BCAS3: variants seen among roughly 807,000 people sequenced by gnomAD.
The protein encoded by BCAS3 is BCAS3 microtubule associated cell migration factor.
A neutral mutation model predicts 116.1 loss-of-function variants in BCAS3; 53 were observed. The ratio of observed to expected loss-of-function variants is 0.46; its 90% confidence interval spans 0.37 to 0.57. BCAS3 has a LOEUF of 0.57. BCAS3 is among the 20% of genes least tolerant of loss of function. The probability of loss-of-function intolerance (pLI) is 0.00; values close to 1 mark genes in which losing one functional copy is unlikely to be tolerated. For missense variants in BCAS3, 917 were observed against 1,165.4 expected (o/e 0.79, Z 3.10); for synonymous variants, 391 against 408.2 (o/e 0.96, Z 0.51).
rs1208240142 is a variant in BCAS3 at position 61,095,330 on chromosome 17, T to C, written c.2425+10766T>C. Reference sequence around the variant, plus strand: ...TCTTTCTGTTTAGAAAATATTTTTATATAGAATGTAATTGATATTTCTACA... The same window carrying C: ...TCTTTCTGTTTAGAAAATATTTTTACATAGAATGTAATTGATATTTCTACA... On this transcript the variant is annotated intron_variant, in intron 22 of 23. Coordinates refer to ENST00000407086, the MANE Select transcript of BCAS3 (RefSeq NM_017679.5). The surrounding 1 kb of genome is among the most constrained non-coding windows in gnomAD (Gnocchi z 4.7). Among the ~76,000 whole-genome samples, 3 of 152,252 alleles carry C rather than the reference T, an allele frequency of 2.0e-5. No individual in the cohort carries two copies. Among genetic ancestry groups the C allele is most frequent in the Non-Finnish European group, 4.4e-5 (3 of 68,046 alleles).
intron 23 of BCAS3, chr17:61,389,477 G>A (rs1377510015): frequency 2.0e-5 from 3 of 152,514 alleles, no homozygotes; most frequent in African/African-American, 7.2e-5. Context: ...CAAGATGAGG[G>A]CTGTGCTGTA....
At chr17:60,757,157 G>A (rs2043064223) in intron 6 of BCAS3, among the ~76,000 whole-genome samples, 1 of 150,656 alleles carries the variant, frequency 6.6e-6, no homozygotes, top group African/African-American at 2.5e-5. Flanking sequence ...GTGAGACTCT[G>A]TCTCAAGAAA....
At position 61,068,324 on chromosome 17, in the gene BCAS3, C is replaced by A. The variant is rs564404590; in HGVS notation, c.2030-6596C>A. 6.6e-6 allele frequency among the ~76,000 whole-genome samples: 1 copy of A among 152,196 alleles called. No homozygotes were observed. Among genetic ancestry groups the A allele is most frequent in the South Asian group, 2.1e-4 (1 of 4,818 alleles). ...CCACCTCCAAAGTTACATCTAAATT[C>A]TCTAGGGTGTTCAGGGTATAAAAGT... On this transcript the variant is annotated intron_variant, in intron 19 of 23. Transcript: ENST00000407086. The surrounding 1 kb of genome is among the most constrained non-coding windows in gnomAD (Gnocchi z 4.3).
At chr17:61,076,026 T>A (rs2071950534) in intron 20 of BCAS3, among the ~76,000 whole-genome samples, 1 of 152,202 alleles carries the variant, frequency 6.6e-6, no homozygotes, top group Non-Finnish European at 1.5e-5. Context: ...CCCAAAGTGC[T>A]GGGATTACAG....
chr17:60,834,790 C>T (rs1430088261), intron 7 of BCAS3, among the ~76,000 whole-genome samples: 1 of 151,788 alleles, frequency 6.6e-6, no homozygotes, highest in East Asian at 1.9e-4. Flanking sequence ...TTTATCATAA[C>T]TGATAAGGAG....
rs1228913001 is a variant in BCAS3, at chr17:61,211,018, G to T, written c.2425+126454G>T. ...GATGATGAGCCAAAGGCTTCCCTAA[G>T]CTAGGGTCCCATAGTCTTCCCCAAG... On this transcript the variant is annotated intron_variant, in intron 22 of 23. Transcript: ENST00000407086. The surrounding 1 kb of genome is among the most constrained non-coding windows in gnomAD (Gnocchi z 4.4). Among the ~76,000 whole-genome samples, 2 of 152,060 alleles carry T rather than the reference G, an allele frequency of 1.3e-5. No individual in the cohort carries two copies. Among genetic ancestry groups the T allele is most frequent in the Non-Finnish European group, 2.9e-5 (2 of 68,030 alleles).
chr17:61,108,661 T>C (rs1176962617), intron 22 of BCAS3, among the ~76,000 whole-genome samples: 1 of 150,294 alleles, frequency 6.7e-6, no homozygotes, highest in Non-Finnish European at 1.5e-5. Context: ...TTTGGTTACA[T>C]GAATAAGTTC....
chr17:61,276,490 C>A lies in BCAS3; in HGVS notation c.2426-91837C>A, dbSNP rs185318123. On this transcript the variant is annotated intron_variant, in intron 22 of 23. Coordinates refer to ENST00000407086, the MANE Select transcript of BCAS3 (RefSeq NM_017679.5). The surrounding 1 kb of genome is among the most constrained non-coding windows in gnomAD (Gnocchi z 4.2). Reference sequence around the variant, plus strand: ...CAAAGTACTCAGGAATAAATTTAACCGAAGTAAAAATTTTATAAACTACAA... The same window carrying A: ...CAAAGTACTCAGGAATAAATTTAACAGAAGTAAAAATTTTATAAACTACAA... Among the ~76,000 whole-genome samples the A allele has an allele frequency of 6.6e-6, 1 of 152,036 alleles. No individual in the cohort carries two copies. Among genetic ancestry groups the A allele is most frequent in the Admixed American group, 6.6e-5 (1 of 15,254 alleles).
chr17:61,076,563 G>A (rs970952879), intron 20 of BCAS3, among the ~76,000 whole-genome samples: 6 of 152,190 alleles, frequency 3.9e-5, no homozygotes, highest in African/African-American at 1.2e-4. Context: ...AGGAATGCTG[G>A]CAGAGAAACC....
rs2072692635 is a variant in BCAS3 at position 61,082,320 on chromosome 17, C to T, written c.2328-2147C>T. Among the ~76,000 whole-genome samples, 1 of 152,022 alleles carries T rather than the reference C, an allele frequency of 6.6e-6. No individual in the cohort carries two copies. The highest frequency in any genetic ancestry group is 2.4e-5 in the African/African-American group (1 of 41,380). The stretch of plus-strand genomic sequence containing the variant: ...ATATTCACTATGTTTGGCATCCATC[C>T]CACTAATTTCAGAACGTTTCCATCA... On this transcript the variant is annotated intron_variant, in intron 21 of 23. Coordinates refer to ENST00000407086, the MANE Select transcript of BCAS3 (RefSeq NM_017679.5). The surrounding 1 kb of genome is among the most constrained non-coding windows in gnomAD (Gnocchi z 5.1).
intron 11 of BCAS3, among the ~76,000 whole-genome samples, chr17:60,905,995 A>G (rs1415897329): frequency 6.6e-6 from 1 of 152,188 alleles, no homozygotes; most frequent in East Asian, 1.9e-4. Context: ...AAAAGGTAAG[A>G]GGGAACCTCT....
At chr17:61,293,362 C>A (rs976053041) in intron 22 of BCAS3, among the ~76,000 whole-genome samples, 5 of 152,136 alleles carry the variant, frequency 3.3e-5, no homozygotes, top group African/African-American at 4.8e-5. Flanking sequence ...CTGATAACTT[C>A]TCTCCTGCCT....
At chr17:60,797,912 T>A (rs907577761) in intron 6 of BCAS3, among the ~76,000 whole-genome samples, 4 of 152,186 alleles carry the variant, frequency 2.6e-5, no homozygotes, top group Non-Finnish European at 5.9e-5. Context: ...CATGGTGATG[T>A]GTGCCTGTAG....
At chr17:61,257,060 T>C (rs1261931334) in intron 22 of BCAS3, among the ~76,000 whole-genome samples, 4 of 152,164 alleles carry the variant, frequency 2.6e-5, no homozygotes, top group Non-Finnish European at 5.9e-5. Context: ...ATCTTTGCGA[T>C]CGGTGTTGTC....
chr17:61,336,958 C>G (rs965249752), intron 22 of BCAS3, among the ~76,000 whole-genome samples: 1 of 151,966 alleles, frequency 6.6e-6, no homozygotes, highest in Admixed American at 6.6e-5. Context: ...ACTAAAAATA[C>G]AAAAATTAGC....
chr17:60,955,853 C>T (rs2061103779), intron 14 of BCAS3, among the ~76,000 whole-genome samples: 1 of 152,188 alleles, frequency 6.6e-6, no homozygotes, highest in South Asian at 2.1e-4. Context: ...TTAGCTTACT[C>T]ATCCTTGACA....
At chr17:61,074,055 G>A (rs575470979) in intron 19 of BCAS3, among the ~76,000 whole-genome samples, 1 of 148,844 alleles carries the variant, frequency 6.7e-6, no homozygotes, top group South Asian at 2.1e-4. Flanking sequence ...GTTACAGTGA[G>A]CTATGATCAT....
chr17:60,788,611 G>A (rs984422980), intron 6 of BCAS3, among the ~76,000 whole-genome samples: 8 of 152,114 alleles, frequency 5.3e-5, no homozygotes, highest in Non-Finnish European at 8.8e-5. Context: ...AACAATTCAA[G>A]GTAATATGAT....
chr17:60,999,349 C>G (rs958778941), intron 15 of BCAS3, among the ~76,000 whole-genome samples: 1 of 151,828 alleles, frequency 6.6e-6, no homozygotes, highest in Non-Finnish European at 1.5e-5. Context: ...ACCAGCCTGG[C>G]CAACGTGGTG....
Sources: allele counts gnomAD v4.1 joint callset (sites outside exome capture counted in the v4.1 genomes callset), GRCh38; gene constraint gnomAD v4.1.1; non-coding constraint Gnocchi (gnomAD v3.1); transcripts MANE v1.5; gene names NCBI Gene and HGNC (gene_info 2026-07-23, HGNC 2026-07-21).